The following PHF21A variants were observed in gnomAD, a reference collection of about 807,000 sequenced individuals.
The protein encoded by PHF21A is BHC80a.
PHF21A carries 11 observed loss-of-function variants against 82.5 expected under a neutral mutation model. That is an observed-to-expected ratio of 0.13 (90% CI 0.08 to 0.22). The LOEUF is 0.22. Among genes scored for constraint, PHF21A ranks in the 10% least tolerant of loss-of-function variants. PHF21A has a pLI of 1.00. For missense variants in PHF21A, 579 were observed against 837.8 expected (o/e 0.69, Z 3.81); for synonymous variants, 297 against 302.8 (o/e 0.98, Z 0.20).
chr11:46,085,512 G>A (rs2096846514), intron 3 of PHF21A, among the ~76,000 whole-genome samples: 1 of 152,096 alleles, frequency 6.6e-6, no homozygotes. Context: ...TAGGTACTCT[G>A]TCAAAGCAAA....
At chr11:45,968,681 C>T (rs2093587833) in intron 9 of PHF21A, among the ~76,000 whole-genome samples, 1 of 151,918 alleles carries the variant, frequency 6.6e-6, no homozygotes, top group Non-Finnish European at 1.5e-5. Flanking sequence ...GTAAACCCAG[C>T]ACTTTGGGAG....
intron 10 of PHF21A, among the ~76,000 whole-genome samples, chr11:45,954,158 A>G (rs1279190409): frequency 6.6e-6 from 1 of 152,078 alleles, no homozygotes; most frequent in Admixed American, 6.5e-5. Flanking sequence ...TACCACACCC[A>G]GCTAATTTTT....
rs532133035 is a variant in PHF21A at position 45,932,436 on chromosome 11, A to T, written c.*1532T>A. ...AGAGCACGGTCTTTTCTGAGGAGAGAGAAGGGTGGGGAGCTCCGCCTCTGT... is the reference window on the plus strand; with the variant it reads ...AGAGCACGGTCTTTTCTGAGGAGAGTGAAGGGTGGGGAGCTCCGCCTCTGT... On this transcript the variant is annotated 3_prime_UTR_variant, in exon 19 of 19. Transcript: ENST00000676320. The surrounding 1 kb of genome is among the most constrained non-coding windows in gnomAD (Gnocchi z 4.3). 10 of 152,318 alleles carry T rather than the reference A, an allele frequency of 6.6e-5. No individual in the cohort carries two copies. The South Asian group carries it at 1.9e-3, about 28-fold the overall frequency. 9.4% of individuals were successfully genotyped at this position (152,318 alleles called of 1,614,324 possible).
intron 6 of PHF21A, among the ~76,000 whole-genome samples, chr11:46,037,813 C>T (rs2096046396): frequency 6.6e-6 from 1 of 151,870 alleles, no homozygotes; most frequent in African/African-American, 2.4e-5. Flanking sequence ...TTTTTTTCCT[C>T]CAAATTTTCT....
chr11:45,938,396 A>C (rs1174822283), intron 15 of PHF21A, 84 bp from the exon 16 acceptor site: 5 of 1,100,978 alleles, frequency 4.5e-6, no homozygotes, highest in Non-Finnish European at 6.6e-6. Context: ...ATGCATATAA[A>C]TGTTTTAGGA....
At position 46,084,331 on chromosome 11, in the gene PHF21A, A is replaced by G. The variant is rs1351796489; in HGVS notation, c.-83-29T>C. ...TAAAGATCATAAAATGTTTTGGATC[A>G]TTACATTTGGAATAAATATAATATT... On this transcript the variant is annotated intron_variant, in intron 3 of 18. Transcript: ENST00000676320. 1.9e-5 allele frequency: 13 copies of G among 695,822 alleles called. No individual in the cohort carries two copies. The East Asian group carries it at 4.1e-4, about 22-fold the overall frequency. 43.1% of individuals were successfully genotyped at this position (695,822 alleles called of 1,614,324 possible). A position where few individuals can be genotyped will look rare whatever the true frequency, so the allele number is the denominator to read the frequency against.
In PHF21A at chr11:45,990,708, A is replaced by G. The variant is rs1285954086; in HGVS notation, c.154-10742T>C. 6.0e-5 allele frequency among the ~76,000 whole-genome samples: 3 copies of G among 49,948 alleles called. No individual in the cohort carries two copies. The Admixed American group carries it at 9.1e-4, about 15-fold the overall frequency. The allele number at this position is 49,948 out of a possible 152,430, so 32.8% of individuals were successfully genotyped here. Reference sequence around the variant, plus strand: ...CAATGAACATAAAGGCAGTCCCTTGATTTGTTTTTTTTTTTTAAAGAAGAC... The same window carrying G: ...CAATGAACATAAAGGCAGTCCCTTGGTTTGTTTTTTTTTTTTAAAGAAGAC... On this transcript the variant is annotated intron_variant, in intron 6 of 18. Coordinates refer to ENST00000676320, the MANE Select transcript of PHF21A (RefSeq NM_001352027.3).
intron 15 of PHF21A, among the ~76,000 whole-genome samples, chr11:45,940,207 T>G (rs2090073726): frequency 6.6e-6 from 1 of 152,052 alleles, no homozygotes; most frequent in Non-Finnish European, 1.5e-5. Context: ...TCTTTTTTTT[T>G]TTTTTAGACG....
intron 15 of PHF21A, among the ~76,000 whole-genome samples, chr11:45,940,793 A>T (rs2090199226): frequency 6.6e-6 from 1 of 152,234 alleles, no homozygotes; most frequent in South Asian, 2.1e-4. Context: ...TGTGAACTAC[A>T]GAAAAAATTA....
intron 6 of PHF21A, among the ~76,000 whole-genome samples, chr11:45,998,074 G>A (rs1020887979): frequency 3.9e-5 from 6 of 152,292 alleles, no homozygotes; most frequent in Non-Finnish European, 8.8e-5. Context: ...ATGTACCACT[G>A]TGGAGAGAGG....
intron 6 of PHF21A, among the ~76,000 whole-genome samples, chr11:46,018,208 C>T (rs1337059484): frequency 2.0e-5 from 3 of 150,624 alleles, no homozygotes; most frequent in African/African-American, 7.4e-5. Context: ...TGAGATTGCG[C>T]CACTGCACTC....
Position 46,088,182 on chromosome 11 carries a change from T to G in PHF21A, c.-84+2273A>C, listed in dbSNP as rs2096878950. 2.0e-5 allele frequency among the ~76,000 whole-genome samples: 3 copies of G among 152,216 alleles called. No individual in the cohort carries two copies. In the East Asian group the frequency reaches 5.8e-4, roughly 29 times the overall value. On this transcript the variant is annotated intron_variant, in intron 3 of 18. Coordinates refer to ENST00000676320, the MANE Select transcript of PHF21A (RefSeq NM_001352027.3). ...GATGATTTAACATATTTTGACCAAT[T>G]CTAACAAGTTATAAATAACAAATCA... is the stretch of plus-strand genomic sequence containing the variant.
chr11:46,112,055 CTGA>C (rs1430485304), intron 1 of PHF21A, among the ~76,000 whole-genome samples: 3 of 152,212 alleles, frequency 2.0e-5, no homozygotes, highest in African/African-American at 7.2e-5. Flanking sequence ...TTTGAACTTT[CTGA>C]AGTCAACCAA....
chr11:46,079,112 T>C (rs1371299112), intron 5 of PHF21A, 22 bp downstream of exon 5: 1 of 1,426,988 alleles, frequency 7.0e-7, no homozygotes, highest in Admixed American at 1.9e-5. Flanking sequence ...AACAATTAAA[T>C]GAATAACAAT....
intron 6 of PHF21A, among the ~76,000 whole-genome samples, chr11:46,051,895 T>G (rs1450171119): frequency 6.6e-6 from 1 of 152,210 alleles, no homozygotes; most frequent in African/African-American, 2.4e-5. Flanking sequence ...TTGCAATGGT[T>G]GGAACAGTTA....
At chr11:45,967,727 G>A (rs1475259282) in intron 9 of PHF21A, among the ~76,000 whole-genome samples, 1 of 152,214 alleles carries the variant, frequency 6.6e-6, no homozygotes, top group Non-Finnish European at 1.5e-5. Context: ...CTGGTGCCAA[G>A]TGTGGCCCAT....
intron 14 of PHF21A, among the ~76,000 whole-genome samples, chr11:45,946,577 G>A (rs533076554): frequency 4.6e-5 from 7 of 152,024 alleles, no homozygotes; most frequent in African/African-American, 7.2e-5. Flanking sequence ...GGGTTTCATC[G>A]TGTTAGCCAG....
chr11:46,112,550 A>C (rs1447367630), intron 1 of PHF21A, among the ~76,000 whole-genome samples: 1 of 152,234 alleles, frequency 6.6e-6, no homozygotes, highest in African/African-American at 2.4e-5. Context: ...TAAATTATTA[A>C]AGACATTTCA....
At chr11:45,996,494 T>C (rs1447722842) in intron 6 of PHF21A, among the ~76,000 whole-genome samples, 4 of 152,130 alleles carry the variant, frequency 2.6e-5, no homozygotes, top group Admixed American at 6.5e-5. Context: ...ACATAAATGA[T>C]TTCCCTTTTT....
Sources: gnomAD v4.1 joint callset for allele counts (sites outside exome capture counted in the v4.1 genomes callset) on GRCh38, gnomAD v4.1.1 for gene constraint, Gnocchi (gnomAD v3.1) non-coding constraint, MANE v1.5 for transcripts, NCBI Gene and HGNC (gene_info 2026-07-23, HGNC 2026-07-21) for gene names.